Variants in CTNNA2 observed in about 807,000 individuals in gnomAD.
CTNNA2 encodes the protein catenin alpha-2.
Under a neutral mutation model 101.0 loss-of-function variants are expected in CTNNA2, and 42 were observed. The observed-to-expected ratio is 0.42, with a 90% confidence interval of 0.32 to 0.54. The LOEUF (loss-of-function observed/expected upper bound fraction) is 0.54. Ranked by LOEUF, CTNNA2 falls within the 20% of genes least tolerant of loss-of-function variation. The probability of loss-of-function intolerance (pLI) is 0.14; values close to 1 mark genes in which losing one functional copy is unlikely to be tolerated. For synonymous variants in CTNNA2, 450 were observed against 456.4 expected (o/e 0.99, Z 0.18); for missense variants, 871 against 1,223.1 (o/e 0.71, Z 4.29).
intron 3 of CTNNA2, among the ~76,000 whole-genome samples, chr2:79,853,133 G>T (rs1406918914): frequency 2.0e-5 from 3 of 152,146 alleles, no homozygotes; most frequent in Non-Finnish European, 4.4e-5. Flanking sequence ...CTCCCAAAGT[G>T]CTGGGATTAC....
intron 9 of CTNNA2, among the ~76,000 whole-genome samples, chr2:80,474,011 C>A (rs2149489896): frequency 6.6e-6 from 1 of 152,320 alleles, no homozygotes; most frequent in Admixed American, 6.5e-5. Flanking sequence ...TCAATGCAGG[C>A]ACAGCTGCCC....
intron 9 of CTNNA2, among the ~76,000 whole-genome samples, chr2:80,447,063 A>G (rs1322928437): frequency 1.3e-5 from 2 of 152,158 alleles, no homozygotes; most frequent in African/African-American, 2.4e-5. Flanking sequence ...AATCAAAGAC[A>G]TTGCCAAAAA....
At chr2:80,279,201 G>A (rs1193280433) in intron 7 of CTNNA2, among the ~76,000 whole-genome samples, 2 of 152,020 alleles carry the variant, frequency 1.3e-5, no homozygotes, top group African/African-American at 4.8e-5. Context: ...ATAGCCTCAT[G>A]CCATCTGGGC....
chr2:79,739,022 T>G (rs1468686985), intron 2 of CTNNA2, among the ~76,000 whole-genome samples: 2 of 152,062 alleles, frequency 1.3e-5, no homozygotes, highest in Non-Finnish European at 2.9e-5. Flanking sequence ...TCTTTACATA[T>G]GTCAATATTC....
chr2:80,498,835 G>T (rs1348375244), intron 9 of CTNNA2, among the ~76,000 whole-genome samples: 1 of 152,206 alleles, frequency 6.6e-6, no homozygotes, highest in Non-Finnish European at 1.5e-5. Flanking sequence ...TTGCTAAATA[G>T]TCGGGTTTTT....
chr2:80,631,467 G>A (rs1030961800), intron 18 of CTNNA2, among the ~76,000 whole-genome samples: 3 of 150,040 alleles, frequency 2.0e-5, no homozygotes, highest in South Asian at 2.1e-4. Context: ...ACTCAGCCTC[G>A]TTGCAAGGGA....
At chr2:80,626,199 A>G (rs1447540943) in intron 18 of CTNNA2, among the ~76,000 whole-genome samples, 1 of 152,136 alleles carries the variant, frequency 6.6e-6, no homozygotes, top group Admixed American at 6.6e-5. Flanking sequence ...AAATGATGAA[A>G]CATACAACTA....
chr2:80,117,463 T>TGTGTGTGC (rs1174768357), intron 7 of CTNNA2, among the ~76,000 whole-genome samples: 22 of 151,178 alleles, frequency 1.5e-4, no homozygotes, highest in Non-Finnish European at 2.1e-4. Context: ...TGAGTGTGTG[T>TGTGTGTGC]GTGTGTGTGT....
At chr2:80,280,393 C>A (rs1674280389) in intron 7 of CTNNA2, among the ~76,000 whole-genome samples, 1 of 151,334 alleles carries the variant, frequency 6.6e-6, no homozygotes, top group Admixed American at 6.6e-5. Context: ...AATTCTGGAG[C>A]CTTAGATAGG....
intron 6 of CTNNA2, among the ~76,000 whole-genome samples, chr2:79,901,511 T>C (rs1268498373): frequency 6.6e-6 from 1 of 152,182 alleles, no homozygotes; most frequent in East Asian, 1.9e-4. Context: ...TCCATGCTGA[T>C]TAGCTTAGAT....
At chr2:79,550,380 A>G (rs975708484) in intron 1 of CTNNA2, among the ~76,000 whole-genome samples, 6 of 152,114 alleles carry the variant, frequency 3.9e-5, no homozygotes, top group African/African-American at 1.4e-4. Context: ...GTCAAAGACA[A>G]TTTCCTGAGG....
intron 1 of CTNNA2, among the ~76,000 whole-genome samples, chr2:79,539,617 G>A (rs1380541919): frequency 6.6e-6 from 1 of 152,162 alleles, no homozygotes; most frequent in African/African-American, 2.4e-5. Context: ...GGAACAGGGA[G>A]GTTTGGAAAT....
At chr2:79,396,520 T>C (rs1901335) in intron 4 of CTNNA2, among the ~76,000 whole-genome samples, 121,297 of 152,014 alleles carry the variant, frequency 0.8, 48,599 homozygotes, top group East Asian at 0.96. Flanking sequence ...TGTTGCTCAC[T>C]GAAGAAGGAG....
At chr2:80,309,286 A>G (rs528884296) in intron 7 of CTNNA2, among the ~76,000 whole-genome samples, 7 of 152,238 alleles carry the variant, frequency 4.6e-5, no homozygotes, top group African/African-American at 1.2e-4. Context: ...CATTTTAACT[A>G]TCCTTCAAGG....
intron 3 of CTNNA2, among the ~76,000 whole-genome samples, chr2:79,757,538 A>T (rs1672479702): frequency 6.6e-6 from 1 of 152,230 alleles, no homozygotes; most frequent in South Asian, 2.1e-4. Context: ...ATGCAAGGAT[A>T]TACAAAATAC....
upstream of CTNNA2, among the ~76,000 whole-genome samples, chr2:79,508,173 G>A (rs1323079977): frequency 2.0e-5 from 3 of 152,080 alleles, no homozygotes; most frequent in Non-Finnish European, 4.4e-5. Context: ...CATATCCCTT[G>A]CCATGATTAA....
At chr2:80,336,157 G>C (rs1671748269) in intron 7 of CTNNA2, among the ~76,000 whole-genome samples, 1 of 152,170 alleles carries the variant, frequency 6.6e-6, no homozygotes, top group Non-Finnish European at 1.5e-5. Context: ...TGAAGGCTGG[G>C]AAGTCCAAGA....
In CTNNA2 at chr2:79,890,055, G is replaced by T. The variant is rs1275842698; in HGVS notation, c.852+15713G>T. ...TACTAAGAATGTAAGTTTCTCCATT[G>T]TGTCTATTTGGGAATTCTTATTGCT... On this transcript the variant is annotated intron_variant, in intron 6 of 18. Transcript: ENST00000402739. Among the ~76,000 whole-genome samples, 3 of 152,288 alleles carry T rather than the reference G, an allele frequency of 2.0e-5. No homozygotes were observed. In the East Asian group the frequency reaches 5.8e-4, roughly 29 times the overall value.
intron 7 of CTNNA2, among the ~76,000 whole-genome samples, chr2:80,355,350 G>A (rs1231478460): frequency 6.6e-6 from 1 of 152,112 alleles, no homozygotes; most frequent in Non-Finnish European, 1.5e-5. Context: ...AAGTCTGCAT[G>A]CTCTTTTTGC....
Sources: allele counts gnomAD v4.1 joint callset (sites outside exome capture counted in the v4.1 genomes callset), GRCh38; gene constraint gnomAD v4.1.1; transcripts MANE v1.5; gene names NCBI Gene and HGNC (gene_info 2026-07-23, HGNC 2026-07-21).